Variants in GLIS1 observed in about 807,000 individuals in gnomAD.
GLIS1 encodes the protein zinc finger protein GLIS1.
Under a neutral mutation model 63.8 loss-of-function variants are expected in GLIS1, and 24 were observed. The observed-to-expected ratio is 0.38, with a 90% CI of 0.27 to 0.53. The LOEUF (loss-of-function observed/expected upper bound fraction) is 0.53, where lower values mean the gene tolerates loss of function less well. GLIS1 is among the 20% of genes least tolerant of loss of function. The probability of loss-of-function intolerance (pLI) is 0.85; values close to 1 mark genes in which losing one functional copy is unlikely to be tolerated. For missense variants in GLIS1, 1,036 were observed against 1,074.1 expected (o/e 0.96, Z 0.50); for synonymous variants, 450 against 482.5 (o/e 0.93, Z 0.88).
At position 53,524,853 on chromosome 1, in the gene GLIS1, T is replaced by C; in HGVS notation, c.1517A>G (p.Lys506Arg). The C allele has an allele frequency of 6.2e-7, 1 of 1,613,190 alleles. No homozygotes were observed. Among genetic ancestry groups the C allele is most frequent in the Middle Eastern group, 1.7e-4 (1 of 6,058 alleles). The change falls in exon 6 of 11, where the codon AAG (lysine) becomes AGG (arginine). Residue 506 changes from lysine to arginine, a missense_variant. Coordinates refer to ENST00000628545, the MANE Select transcript of GLIS1 (RefSeq NM_001367484.1). The part of the protein sequence containing the change: ...PYACQIPGCS[K>R]RYTDPSSLRK... ...GAGGGAGCTGGGGTCTGTGTAGCGCTTGGAGCAGCCAGGGATCTGACAGGC... is the reference window on the plus strand; with the variant it reads ...GAGGGAGCTGGGGTCTGTGTAGCGCCTGGAGCAGCCAGGGATCTGACAGGC...
At position 53,574,191 on chromosome 1, in the gene GLIS1, C is replaced by T. The variant is rs3013759; in HGVS notation, c.1320+19917G>A. On this transcript the variant is annotated intron_variant, in intron 4 of 10. Transcript: ENST00000628545. The surrounding 1 kb of genome is among the most constrained non-coding windows in gnomAD (Gnocchi z 4.2). ...ACTGTCCGTGAGGCCCTCCCTGGTCCAGCACAGCTCTGAGCCTCAGTTTCC... is the reference window on the plus strand; with the variant it reads ...ACTGTCCGTGAGGCCCTCCCTGGTCTAGCACAGCTCTGAGCCTCAGTTTCC... Among the ~76,000 whole-genome samples, 6,090 of 152,234 alleles carry T rather than the reference C, an allele frequency of 0.04. 391 individuals are homozygous for T. The highest frequency in any genetic ancestry group is 0.14 in the African/African-American group (5,616 of 41,492).
At chr1:53,536,153 C>A (rs1249248079) in intron 4 of GLIS1, among the ~76,000 whole-genome samples, 1 of 152,024 alleles carries the variant, frequency 6.6e-6, no homozygotes, top group South Asian at 2.1e-4. Flanking sequence ...ATGATACAGG[C>A]ACCTTCTGTC....
At chr1:53,703,754 C>T (rs772882496) in intron 2 of GLIS1, among the ~76,000 whole-genome samples, 13 of 152,068 alleles carry the variant, frequency 8.5e-5, no homozygotes, top group Non-Finnish European at 1.6e-4. Context: ...AAGCAGCCCT[C>T]GACACAAACC....
chr1:53,672,578 C>A (rs114678802), intron 2 of GLIS1, among the ~76,000 whole-genome samples: 1,637 of 152,316 alleles, frequency 0.011, 23 homozygotes, highest in African/African-American at 0.038. Flanking sequence ...GGCTGTGAGT[C>A]TTGGAGCAGT....
intron 2 of GLIS1, among the ~76,000 whole-genome samples, chr1:53,656,282 C>T (rs946453160): frequency 6.6e-6 from 1 of 152,170 alleles, no homozygotes; most frequent in African/African-American, 2.4e-5. Context: ...GGGGAGTGCC[C>T]CATCCTAAGG....
chr1:53,719,973 C>T (rs763081739), intron 2 of GLIS1, among the ~76,000 whole-genome samples: 1 of 151,972 alleles, frequency 6.6e-6, no homozygotes, highest in Non-Finnish European at 1.5e-5. Context: ...GTCAGGAGTT[C>T]GAGACTAGCC....
At chr1:53,656,596 C>T (rs763243506) in intron 2 of GLIS1, among the ~76,000 whole-genome samples, 5 of 152,202 alleles carry the variant, frequency 3.3e-5, no homozygotes, top group Non-Finnish European at 4.4e-5. Flanking sequence ...TCTCCTCGTG[C>T]GATTTGCAAT....
chr1:53,529,649 C>T lies in GLIS1; in HGVS notation c.1482+142G>A, dbSNP rs2100330755. ...AAACATTCTAGAATGCAGAGGACAC[C>T]ATCCGACCCACTGCCCTGCCAAGCA... is the stretch of plus-strand genomic sequence containing the variant. On this transcript the variant is annotated intron_variant, in intron 5 of 10. Coordinates refer to ENST00000628545, the MANE Select transcript of GLIS1 (RefSeq NM_001367484.1). 5 of 800,198 alleles carry T rather than the reference C, an allele frequency of 6.2e-6. No individual in the cohort carries two copies. In the South Asian group the frequency reaches 8.5e-5, roughly 14 times the overall value. The allele number at this position is 800,198 out of a possible 1,614,324, so 49.6% of individuals were successfully genotyped here. A position where few individuals can be genotyped will look rare whatever the true frequency, so the allele number is the denominator to read the frequency against.
intron 2 of GLIS1, among the ~76,000 whole-genome samples, chr1:53,710,831 A>G (rs1646639442): frequency 6.6e-6 from 1 of 152,182 alleles, no homozygotes; most frequent in Non-Finnish European, 1.5e-5. Context: ...ACGCATGTGA[A>G]TGTTCCTAAA....
intron 2 of GLIS1, among the ~76,000 whole-genome samples, chr1:53,690,811 G>A (rs2100459033): frequency 6.6e-6 from 1 of 152,270 alleles, no homozygotes; most frequent in East Asian, 1.9e-4. Context: ...ACTGTCCAAG[G>A]GTGTGGCTGG....
At chr1:53,537,840 T>C (rs1644597871) in intron 4 of GLIS1, among the ~76,000 whole-genome samples, 2 of 152,146 alleles carry the variant, frequency 1.3e-5, no homozygotes, top group South Asian at 4.2e-4. Context: ...AATAAACACA[T>C]TTCTGGTTTA....
At chr1:53,711,525 G>A (rs1646646532) in intron 2 of GLIS1, among the ~76,000 whole-genome samples, 1 of 152,230 alleles carries the variant, frequency 6.6e-6, no homozygotes, top group Admixed American at 6.5e-5. Flanking sequence ...CCTCCAGGTG[G>A]GGAGAGCACA....
chr1:53,604,030 C>T (rs1299711336), intron 2 of GLIS1, among the ~76,000 whole-genome samples: 2 of 152,216 alleles, frequency 1.3e-5, no homozygotes, highest in Admixed American at 6.5e-5. Context: ...CCTCAATGTT[C>T]TTATCTGTAA....
rs551185825 is a variant in GLIS1 at position 53,705,764 on chromosome 1, G to A, written c.259+32042C>T. Among the ~76,000 whole-genome samples, 7 of 152,316 alleles carry A rather than the reference G, an allele frequency of 4.6e-5. No individual in the cohort carries two copies. The East Asian group carries it at 1.3e-3, about 29-fold the overall frequency. On this transcript the variant is annotated intron_variant, in intron 2 of 10. Coordinates refer to ENST00000628545, the MANE Select transcript of GLIS1 (RefSeq NM_001367484.1). The stretch of plus-strand genomic sequence containing the variant: ...AGGTGAGGGGAGCCTTCCATCCCAA[G>A]CTGTTTCCACTTTTTATATTTACCC...
intron 4 of GLIS1, among the ~76,000 whole-genome samples, chr1:53,570,280 AT>A (rs1325600893): frequency 9.9e-5 from 13 of 131,574 alleles, no homozygotes; most frequent in South Asian, 2.4e-4. Context: ...TTCTTGGCTA[AT>A]TTAAAAAAAA....
chr1:53,634,053 G>A (rs941100452), intron 2 of GLIS1, among the ~76,000 whole-genome samples: 1 of 152,216 alleles, frequency 6.6e-6, no homozygotes, highest in Admixed American at 6.5e-5. Flanking sequence ...GAAAGGCCAA[G>A]GATGGCGCCA....
In GLIS1 at chr1:53,551,806, C is replaced by T. The variant is rs562998788; in HGVS notation, c.1321-21854G>A. ...CTGCCCTCTGTGCCCACCGCCTTCC[C>T]TGGATGTACCCGGTGGTTCCTGCCT... On this transcript the variant is annotated intron_variant, in intron 4 of 10. Coordinates refer to ENST00000628545, the MANE Select transcript of GLIS1 (RefSeq NM_001367484.1). Among the ~76,000 whole-genome samples the T allele has an allele frequency of 2.0e-5, 3 of 152,140 alleles. No homozygotes were observed. The South Asian group carries it at 6.2e-4, about 32-fold the overall frequency.
In GLIS1 at chr1:53,594,932, T is replaced by G. The variant is rs528095597; in HGVS notation, c.496A>C (p.Lys166Gln). The G allele has an allele frequency of 4.2e-5, 63 of 1,495,384 alleles. No homozygotes were observed. Among genetic ancestry groups the G allele is most frequent in the Non-Finnish European group, 5.1e-5 (58 of 1,130,826 alleles). 92.6% of individuals were successfully genotyped at this position (1,495,384 alleles called of 1,614,324 possible). A position where few individuals can be genotyped will look rare whatever the true frequency, so the allele number is the denominator to read the frequency against. ...TGGTAGTCGGGCAAGGACTCCTGTT[T>G]GATGTGTTGTGTGGTTGGGAGGCTG... Reference protein sequence around the residue: ...NGSLPTTQHIKQESLPDYQAM... With the variant: ...NGSLPTTQHIQQESLPDYQAM... The change falls in exon 4 of 11, where the codon AAA (lysine) becomes CAA (glutamine). Residue 166 changes from lysine (K) to glutamine (Q), a missense_variant. Lys to Gln is a moderately conservative substitution (Grantham distance 53). Transcript: ENST00000628545.
intron 2 of GLIS1, among the ~76,000 whole-genome samples, chr1:53,664,167 G>T (rs1348366711): frequency 6.6e-6 from 1 of 152,122 alleles, no homozygotes; most frequent in Non-Finnish European, 1.5e-5. Context: ...AGAGATTCTG[G>T]TGTGCCCCCA....
Sources: allele counts gnomAD v4.1 joint callset (sites outside exome capture counted in the v4.1 genomes callset), GRCh38; gene constraint gnomAD v4.1.1; non-coding constraint Gnocchi (gnomAD v3.1); transcripts MANE v1.5; gene names NCBI Gene and HGNC (gene_info 2026-07-23, HGNC 2026-07-21).